The following IGF2BP3 variants were observed in gnomAD, a reference collection of about 807,000 sequenced individuals.
The protein encoded by IGF2BP3 is insulin like growth factor 2 mRNA binding protein 3, also known as insulin-like growth factor 2 mRNA-binding protein 3.
Under a neutral mutation model 73.8 loss-of-function variants are expected in IGF2BP3, and 9 were observed. That is an observed-to-expected ratio of 0.12 (90% CI 0.07 to 0.21). The LOEUF (loss-of-function observed/expected upper bound fraction) is 0.21. IGF2BP3 is among the 10% of genes least tolerant of loss of function. The pLI, the probability that IGF2BP3 is intolerant of heterozygous loss-of-function variation, is 1.00. For missense variants in IGF2BP3, 542 were observed against 714.0 expected (o/e 0.76, Z 2.75); for synonymous variants, 258 against 256.7 (o/e 1.01, Z -0.05).
At chr7:23,415,301 C>A in intron 3 of IGF2BP3, 1 of 245,802 alleles carries the variant, frequency 4.1e-6, no homozygotes, top group Non-Finnish European at 8.1e-6. Flanking sequence ...TCAGCATCAC[C>A]ACATCCGCAG....
intron 2 of IGF2BP3, among the ~76,000 whole-genome samples, chr7:23,445,554 C>T (rs1308372259): frequency 1.3e-5 from 2 of 151,894 alleles, no homozygotes; most frequent in Admixed American, 6.6e-5. Flanking sequence ...GTGTTTTGTA[C>T]ACAGAAAATA....
intron 3 of IGF2BP3, chr7:23,413,999 A>C (rs999669261): frequency 4.6e-5 from 7 of 152,202 alleles, no homozygotes; most frequent in Middle Eastern, 3.4e-3. Flanking sequence ...AAATACAAAA[A>C]ATTAGCTGGG....
chr7:23,422,529 TG>T (rs1472879440), intron 2 of IGF2BP3, among the ~76,000 whole-genome samples: 1 of 152,194 alleles, frequency 6.6e-6, no homozygotes, highest in African/African-American at 2.4e-5. Flanking sequence ...TACTCCAGCC[TG>T]GGCAAGGGAT....
chr7:23,383,425 A>T (rs959604819), intron 3 of IGF2BP3, among the ~76,000 whole-genome samples: 3 of 152,242 alleles, frequency 2.0e-5, no homozygotes, highest in Non-Finnish European at 4.4e-5. Context: ...GACGAAAACC[A>T]CAAGAGGATA....
chr7:23,458,544 C>T (rs370202214), intron 2 of IGF2BP3, among the ~76,000 whole-genome samples: 33 of 152,220 alleles, frequency 2.2e-4, no homozygotes, highest in African/African-American at 7.9e-4. Flanking sequence ...TCCCCAGGAA[C>T]CACAATCAGC....
intron 10 of IGF2BP3, among the ~76,000 whole-genome samples, chr7:23,334,473 T>C (rs1784521956): frequency 1.3e-5 from 2 of 152,250 alleles, no homozygotes; most frequent in Non-Finnish European, 2.9e-5. Context: ...TTATAAGCCT[T>C]TTTCACCTGA....
At chr7:23,349,555 TAAG>T (rs1271219385) in intron 6 of IGF2BP3, among the ~76,000 whole-genome samples, 1 of 152,166 alleles carries the variant, frequency 6.6e-6, no homozygotes, top group African/African-American at 2.4e-5. Context: ...TTCACTGTGC[TAAG>T]GATTACTAAG....
chr7:23,409,675 A>G (rs1207904711), intron 3 of IGF2BP3, among the ~76,000 whole-genome samples: 1 of 152,202 alleles, frequency 6.6e-6, no homozygotes, highest in Non-Finnish European at 1.5e-5. Context: ...TTAGAATGAG[A>G]CATTTACATG....
At chr7:23,450,553 G>C (rs1037346519) in intron 2 of IGF2BP3, 1 of 152,048 alleles carries the variant, frequency 6.6e-6, no homozygotes, top group East Asian at 1.9e-4. Flanking sequence ...GATCCTTTCC[G>C]AGTATAAGAC....
In IGF2BP3 at chr7:23,327,312, G is replaced by A. The variant is rs1243814183; in HGVS notation, c.1204-8058C>T. Reference sequence around the variant, plus strand: ...TTTTTTTTTTTTGAGACGGAGTCTCGCTCTGTGGCCCAGGCTGGAGTGCAG... The same window carrying A: ...TTTTTTTTTTTTGAGACGGAGTCTCACTCTGTGGCCCAGGCTGGAGTGCAG... On this transcript the variant is annotated intron_variant, in intron 10 of 14. Transcript: ENST00000258729. Among the ~76,000 whole-genome samples, 517 of 135,228 alleles carry A rather than the reference G, an allele frequency of 3.8e-3. 3 individuals carry two copies. Among genetic ancestry groups the A allele is most frequent in the African/African-American group, 0.014 (496 of 35,584 alleles). The allele number at this position is 135,228 out of a possible 152,430, so 88.7% of individuals were successfully genotyped here. A position where few individuals can be genotyped will look rare whatever the true frequency, so the allele number is the denominator to read the frequency against.
chr7:23,371,896 A>G (rs1785559387), intron 3 of IGF2BP3, among the ~76,000 whole-genome samples: 1 of 152,166 alleles, frequency 6.6e-6, no homozygotes, highest in African/African-American at 2.4e-5. Context: ...TCTGAGAGAG[A>G]ACAGTCCAAC....
At chr7:23,404,898 T>C (rs1215726399) in intron 3 of IGF2BP3, 1 of 152,192 alleles carries the variant, frequency 6.6e-6, no homozygotes, top group South Asian at 2.1e-4. Context: ...AGGAGACCTT[T>C]GCCCTCCCCA....
chr7:23,384,690 A>G (rs575326813), intron 3 of IGF2BP3, among the ~76,000 whole-genome samples: 1 of 152,252 alleles, frequency 6.6e-6, no homozygotes, highest in South Asian at 2.1e-4. Context: ...CAGGAGTTCA[A>G]GACCAGCCTG....
chr7:23,385,433 G>C (rs780790290), intron 3 of IGF2BP3, among the ~76,000 whole-genome samples: 1 of 152,186 alleles, frequency 6.6e-6, no homozygotes, highest in Non-Finnish European at 1.5e-5. Flanking sequence ...ATTCAAATTA[G>C]TATGAGACAT....
rs138743291 is a variant in IGF2BP3, at chr7:23,423,369, G to T, written c.237-4545C>A. Among the ~76,000 whole-genome samples, 872 of 152,314 alleles carry T rather than the reference G, an allele frequency of 5.7e-3. 12 individuals are homozygous for T. Among genetic ancestry groups the T allele is most frequent in the African/African-American group, 0.02 (827 of 41,572 alleles). On this transcript the variant is annotated intron_variant, in intron 2 of 14. Transcript: ENST00000258729. The stretch of plus-strand genomic sequence containing the variant: ...CATGTTCCATCTGAGATTTGAGAAT[G>T]AGTTTATATTTGGGTTTGATTCTAA...
chr7:23,463,958 C>T (rs932844567), intron 2 of IGF2BP3, among the ~76,000 whole-genome samples: 13 of 152,202 alleles, frequency 8.5e-5, no homozygotes, highest in Admixed American at 7.9e-4. Context: ...AGTTTCCTAA[C>T]ATTCAGAACC....
intron 3 of IGF2BP3, among the ~76,000 whole-genome samples, chr7:23,390,251 G>C (rs1031969176): frequency 6.6e-6 from 1 of 152,066 alleles, no homozygotes; most frequent in Admixed American, 6.5e-5. Context: ...CTGCATAGAA[G>C]TATGAAAGGT....
chr7:23,391,106 T>TC (rs1350612213), intron 3 of IGF2BP3, among the ~76,000 whole-genome samples: 1 of 148,482 alleles, frequency 6.7e-6, no homozygotes, highest in East Asian at 2.0e-4. Flanking sequence ...GCTTTTTTTT[T>TC]TTTTTTTTTT....
intron 2 of IGF2BP3, among the ~76,000 whole-genome samples, chr7:23,454,925 C>T (rs1367927750): frequency 6.6e-6 from 1 of 152,192 alleles, no homozygotes. Context: ...CTCAGTCAAC[C>T]TTATTATAAG....
Sources: gnomAD v4.1 joint callset for allele counts (sites outside exome capture counted in the v4.1 genomes callset) on GRCh38, gnomAD v4.1.1 for gene constraint, MANE v1.5 for transcripts, NCBI Gene and HGNC (gene_info 2026-07-23, HGNC 2026-07-21) for gene names.